Variants in TXNL4A observed in about 807,000 individuals in gnomAD.
TXNL4A encodes thioredoxin like 4A.
Under a neutral mutation model 14.6 loss-of-function variants are expected in TXNL4A, and 17 were observed. The observed-to-expected ratio is 1.16, with a 90% CI of 0.80 to 1.74. The LOEUF (loss-of-function observed/expected upper bound fraction) is 1.74, where lower values mean the gene tolerates loss of function less well. Ranked by LOEUF, TXNL4A falls within the 40% of genes most tolerant of loss-of-function variation. The pLI, the probability that TXNL4A is intolerant of heterozygous loss-of-function variation, is 0.00. For synonymous variants in TXNL4A, 83 were observed against 70.6 expected (o/e 1.18, Z -0.88); for missense variants, 74 against 195.2 (o/e 0.38, Z 3.70).
upstream of TXNL4A, among the ~76,000 whole-genome samples, chr18:79,990,840 C>T (rs2051622444): frequency 6.6e-6 from 1 of 151,468 alleles, no homozygotes. Flanking sequence ...CGCGGTGGCT[C>T]ACGCCTGTAA....
chr18:79,999,687 A>G (rs553816420), intron 1 of TXNL4A, among the ~76,000 whole-genome samples: 57 of 152,324 alleles, frequency 3.7e-4, no homozygotes, highest in Non-Finnish European at 8.1e-4. Flanking sequence ...GCCAGCCCCA[A>G]TCCAGAAAAT....
upstream of TXNL4A, among the ~76,000 whole-genome samples, chr18:79,992,988 C>T (rs2051637992): frequency 6.6e-6 from 1 of 152,016 alleles, no homozygotes; most frequent in Non-Finnish European, 1.5e-5. Flanking sequence ...AATATCCCAC[C>T]CTTTCCCCTT....
chr18:80,001,152 G>A (rs904115314), intron 1 of TXNL4A, among the ~76,000 whole-genome samples: 6 of 152,218 alleles, frequency 3.9e-5, no homozygotes, highest in African/African-American at 1.2e-4. Flanking sequence ...AAGGGGCCAA[G>A]GTATAGCTTG....
intron 1 of TXNL4A, among the ~76,000 whole-genome samples, chr18:80,013,967 TGAG>T (rs1238657656): frequency 2.0e-5 from 3 of 151,992 alleles, no homozygotes; most frequent in Non-Finnish European, 4.4e-5. Context: ...CAAGACAAAA[TGAG>T]GAAGAAACAA....
intron 2 of TXNL4A, 181 bp downstream of exon 2, chr18:79,977,417 G>T: frequency 1.7e-6 from 1 of 573,346 alleles, no homozygotes; most frequent in South Asian, 2.5e-5. Flanking sequence ...GCTAAAACTA[G>T]AATTGTTACT....
At chr18:80,026,982 G>T (rs912687450) in intron 1 of TXNL4A, among the ~76,000 whole-genome samples, 1 of 152,174 alleles carries the variant, frequency 6.6e-6, no homozygotes, top group Non-Finnish European at 1.5e-5. Context: ...AATATTAGGG[G>T]AGAAGAGAAG....
chr18:79,986,784 C>A, intron 1 of TXNL4A: 2 of 985,362 alleles, frequency 2.0e-6, no homozygotes, highest in Non-Finnish European at 2.4e-6. Flanking sequence ...TTCTAGAATT[C>A]ATAACTCAAA....
rs934350827 is a variant in TXNL4A at position 79,988,395 on chromosome 18, C to A, written c.-3G>T. 4 of 1,450,268 alleles carry A rather than the reference C, an allele frequency of 2.8e-6. No individual in the cohort carries two copies. Among genetic ancestry groups the A allele is most frequent in the Non-Finnish European group, 1.8e-6 (2 of 1,082,520 alleles). The allele number at this position is 1,450,268 out of a possible 1,614,324, so 89.8% of individuals were successfully genotyped here. Reference sequence around the variant, plus strand: ...AGGTGCGGGAGCATGTACGACATGGCGGCCCGCGCGCTCGCCGCCGCCCAA... The same window carrying A: ...AGGTGCGGGAGCATGTACGACATGGAGGCCCGCGCGCTCGCCGCCGCCCAA... On this transcript the variant is annotated 5_prime_UTR_variant, in exon 1 of 3. Transcript: ENST00000269601.
At chr18:80,033,601 C>T (rs184886975) in intron 1 of TXNL4A, among the ~76,000 whole-genome samples, 2 of 152,364 alleles carry the variant, frequency 1.3e-5, no homozygotes, top group Admixed American at 1.3e-4. Flanking sequence ...GCGGCCCTGC[C>T]CAGGTCTCCA....
upstream of TXNL4A, among the ~76,000 whole-genome samples, chr18:79,990,495 C>G (rs1487732867): frequency 1.3e-5 from 2 of 152,150 alleles, no homozygotes; most frequent in African/African-American, 4.8e-5. Context: ...TTCATTGGCA[C>G]CAGGTACACA....
Position 80,009,408 on chromosome 18 carries a change from C to T in TXNL4A, c.-61+24443G>A, listed in dbSNP as rs569246534. Among the ~76,000 whole-genome samples, 5 of 152,306 alleles carry T rather than the reference C, an allele frequency of 3.3e-5. No homozygotes were observed. The South Asian group carries it at 6.2e-4, about 19-fold the overall frequency. ...CACACGATTCAGGTGGTTAATGACACACCTGCTTAGCTGTGCACTCCTGTT... is the reference window on the plus strand; with the variant it reads ...CACACGATTCAGGTGGTTAATGACATACCTGCTTAGCTGTGCACTCCTGTT... On this transcript the variant is annotated intron_variant, in intron 1 of 2. Coordinates refer to the TXNL4A transcript ENST00000585474.
intron 1 of TXNL4A, among the ~76,000 whole-genome samples, chr18:80,033,197 A>AT (rs1491557570): frequency 6.6e-6 from 1 of 152,172 alleles, no homozygotes; most frequent in Non-Finnish European, 1.5e-5. Flanking sequence ...ACACACACAC[A>AT]TATATACGCG....
upstream of TXNL4A, among the ~76,000 whole-genome samples, chr18:79,990,591 A>T (rs2051620688): frequency 6.6e-6 from 1 of 152,264 alleles, no homozygotes; most frequent in Non-Finnish European, 1.5e-5. Flanking sequence ...CTCATTTCAG[A>T]TACAAACACA....
At position 79,988,428 on chromosome 18, in the gene TXNL4A, C is replaced by T. The variant is rs934104122; in HGVS notation, c.-36G>A. ...GCGCTCGCCGCCGCCCAAGGCGGGG[C>T]GCCAGGGAGGGCCCAGCGAGGTGGG... On this transcript the variant is annotated 5_prime_UTR_variant, in exon 1 of 3. Transcript: ENST00000269601. 26 of 1,396,216 alleles carry T rather than the reference C, an allele frequency of 1.9e-5. No homozygotes were observed. Among genetic ancestry groups the T allele is most frequent in the Non-Finnish European group, 2.5e-5 (26 of 1,055,688 alleles). The allele number at this position is 1,396,216 out of a possible 1,614,324, so 86.5% of individuals were successfully genotyped here. A position where few individuals can be genotyped will look rare whatever the true frequency, so the allele number is the denominator to read the frequency against.
chr18:80,032,874 G>C (rs766443333), intron 1 of TXNL4A, among the ~76,000 whole-genome samples: 3 of 152,174 alleles, frequency 2.0e-5, no homozygotes, highest in Non-Finnish European at 4.4e-5. Flanking sequence ...AATGCAAATT[G>C]ATAGCTTATC....
intron 1 of TXNL4A, among the ~76,000 whole-genome samples, chr18:80,010,554 C>G (rs947891661): frequency 3.3e-5 from 5 of 152,194 alleles, no homozygotes; most frequent in Non-Finnish European, 7.3e-5. Flanking sequence ...TCCACGGGAA[C>G]CCACTGAAGC....
At chr18:79,999,243 A>G (rs2052797507) in intron 1 of TXNL4A, among the ~76,000 whole-genome samples, 1 of 152,118 alleles carries the variant, frequency 6.6e-6, no homozygotes, top group Non-Finnish European at 1.5e-5. Flanking sequence ...GAGCTGTTAG[A>G]AGCTATTCTA....
At chr18:80,019,768 G>A (rs1280335190) in intron 1 of TXNL4A, among the ~76,000 whole-genome samples, 1 of 152,162 alleles carries the variant, frequency 6.6e-6, no homozygotes. Flanking sequence ...CTTTTCCTCT[G>A]CTTTTAAAGC....
At chr18:79,999,493 G>C (rs1051546633) in intron 1 of TXNL4A, among the ~76,000 whole-genome samples, 1 of 136,648 alleles carries the variant, frequency 7.3e-6, no homozygotes, top group Admixed American at 8.3e-5. Context: ...CCAAGACTGC[G>C]CCACTGCACT....
Sources: allele counts gnomAD v4.1 joint callset (sites outside exome capture counted in the v4.1 genomes callset), GRCh38; gene constraint gnomAD v4.1.1; transcripts MANE v1.5; gene names NCBI Gene and HGNC (gene_info 2026-07-23, HGNC 2026-07-21).